Variants in TRIP11 observed in about 807,000 individuals in gnomAD.
TRIP11 encodes thyroid hormone receptor interactor 11.
A neutral mutation model predicts 223.1 loss-of-function variants in TRIP11; 148 were observed. The ratio of observed to expected loss-of-function variants is 0.66; its 90% CI spans 0.58 to 0.76. TRIP11 has a LOEUF of 0.76. Ranked by LOEUF, TRIP11 falls within the 30% of genes least tolerant of loss-of-function variation. TRIP11 has a pLI of 0.00. For missense variants in TRIP11, 2,043 were observed against 2,222.0 expected (o/e 0.92, Z 1.62); for synonymous variants, 762 against 772.6 (o/e 0.99, Z 0.23).
chr14:92,000,729 C>A (rs779664522), intron 11 of TRIP11, among the ~76,000 whole-genome samples: 2 of 152,200 alleles, frequency 1.3e-5, no homozygotes, highest in Non-Finnish European at 2.9e-5. Context: ...GCTGTCCATT[C>A]ATAAAGTATC....
chr14:92,016,178 T>C (rs2057033241), intron 5 of TRIP11, among the ~76,000 whole-genome samples: 1 of 152,204 alleles, frequency 6.6e-6, no homozygotes, highest in Non-Finnish European at 1.5e-5. Flanking sequence ...AATGACACTT[T>C]CTGCCAATAC....
chr14:92,010,868 C>T, intron 9 of TRIP11, 118 bp downstream of exon 9: 1 of 978,916 alleles, frequency 1.0e-6, no homozygotes, highest in Non-Finnish European at 1.6e-6. Flanking sequence ...GTGAGATCAG[C>T]TTTATTCTAA....
Position 92,004,113 on chromosome 14 carries a change from A to G in TRIP11, c.3863T>C (p.Leu1288Ser). The part of the protein sequence containing the change: ...ETKLKNFGQE[L>S]AQVQHSIGQL... ...CCCAATGCTGTGCTGAACTTGTGCT[A>G]ATTCCTGCCCAAAATTTTTGAGTTT... The change falls in exon 11 of 21, where the codon TTA (leucine) becomes TCA (serine). Residue 1288 changes from leucine (L) to serine (S), a missense_variant. Coordinates refer to ENST00000267622, the MANE Select transcript of TRIP11 (RefSeq NM_004239.4). The G allele has an allele frequency of 6.2e-7, 1 of 1,614,200 alleles. No homozygotes were observed. Among genetic ancestry groups the G allele is most frequent in the Non-Finnish European group, 8.5e-7 (1 of 1,180,032 alleles).
At chr14:91,989,715 G>T (rs1047112398) in intron 15 of TRIP11, among the ~76,000 whole-genome samples, 63 of 151,872 alleles carry the variant, frequency 4.1e-4, no homozygotes, top group African/African-American at 1.4e-3. Flanking sequence ...TGCTGTGAAG[G>T]TATTCTGCAA....
At chr14:91,973,303 C>T (rs777841406) in intron 19 of TRIP11, among the ~76,000 whole-genome samples, 21 of 152,186 alleles carry the variant, frequency 1.4e-4, no homozygotes, top group African/African-American at 2.6e-4. Flanking sequence ...GGATTACAGG[C>T]GTGAGCCACC....
Position 92,004,952 on chromosome 14 carries a change from A to C in TRIP11, c.3024T>G (p.Ser1008Arg), listed in dbSNP as rs781353425. The C allele has an allele frequency of 6.2e-7, 1 of 1,613,764 alleles. No homozygotes were observed. Among genetic ancestry groups the C allele is most frequent in the Non-Finnish European group, 8.5e-7 (1 of 1,179,986 alleles). ...CAGCTTTAGATAAATCATGCTTTTC[A>C]CTTCCATTTTCTATATTAAGGCTCT... ...KVQSLNIENG[S>R]EKHDLSKAET... The change falls in exon 11 of 21, where the codon AGT becomes AGG. Residue 1008 changes from serine to arginine, a missense_variant. Transcript: ENST00000267622.
At chr14:91,993,540 G>GC (rs2056708155) in intron 15 of TRIP11, among the ~76,000 whole-genome samples, 1 of 145,978 alleles carries the variant, frequency 6.9e-6, no homozygotes, top group Non-Finnish European at 1.5e-5. Flanking sequence ...TAATTTGGGT[G>GC]TTTTTTCCCC....
intron 5 of TRIP11, among the ~76,000 whole-genome samples, chr14:92,016,834 G>A (rs1378557856): frequency 1.3e-5 from 2 of 151,996 alleles, no homozygotes; most frequent in African/African-American, 4.8e-5. Flanking sequence ...GGTCTGATCC[G>A]GATTCTATCC....
chr14:92,000,154 CAT>C (rs1555385698), intron 11 of TRIP11, 46 bp from the exon 12 acceptor site: 3 of 1,607,032 alleles, frequency 1.9e-6, no homozygotes, highest in Non-Finnish European at 2.6e-6. Context: ...CACACACACA[CAT>C]ATTTTAAAAG....
At chr14:91,982,661 T>C (rs2056559300) in intron 16 of TRIP11, among the ~76,000 whole-genome samples, 1 of 152,224 alleles carries the variant, frequency 6.6e-6, no homozygotes, top group Non-Finnish European at 1.5e-5. Flanking sequence ...AAATTGCAGA[T>C]ATCCAGGGTC....
rs751874296 is a variant in TRIP11 at position 92,005,847 on chromosome 14, A to G, written c.2129T>C (p.Ile710Thr). The change falls in exon 11 of 21, where the codon ATT (isoleucine) becomes ACT (threonine). Residue 710 changes from isoleucine (I) to threonine (T), a missense_variant. By Grantham distance (89) the Ile-to-Thr change is moderately conservative (BLOSUM62 -1). Coordinates refer to ENST00000267622, the MANE Select transcript of TRIP11 (RefSeq NM_004239.4). ...NNQLSLEKNT[I>T]VETLKMEKGE... ...TTTTTCCATTTTTAGAGTCTCCACA[A>G]TAGTGTTTTTTTCCAGAGAAAGCTG... 5 of 1,613,912 alleles carry G rather than the reference A, an allele frequency of 3.1e-6. No homozygotes were observed. Among genetic ancestry groups the G allele is most frequent in the Admixed American group, 1.7e-5 (1 of 59,996 alleles).
intron 2 of TRIP11, chr14:92,030,499 T>C (rs1451212244): frequency 1.3e-5 from 2 of 152,224 alleles, no homozygotes; most frequent in African/African-American, 4.8e-5. Context: ...GTGATTCTCC[T>C]GCCTCAGCCT....
intron 20 of TRIP11, among the ~76,000 whole-genome samples, chr14:91,970,872 TGAATAATGAAAGGCTTA>T (rs2056393526): frequency 6.6e-6 from 1 of 152,218 alleles, no homozygotes; most frequent in East Asian, 1.9e-4. Context: ...CTTACCCATC[TGAATAATGAAAGGCTTA>T]AGGAGTTACG....
chr14:91,974,780 T>TA, intron 18 of TRIP11, 37 bp from the exon 19 acceptor site: 2 of 1,439,702 alleles, frequency 1.4e-6, no homozygotes, highest in East Asian at 2.4e-5. Context: ...ATATTATCAG[T>TA]ACAAGAAAAA....
In TRIP11 at chr14:92,033,273, TA is replaced by T; in HGVS notation, c.140-21del. ...ATTCTGCTACAAGAGAAATAACAAA[TA>T]TTGAATATTTAATCAATACCATATG... On this transcript the variant is annotated intron_variant, in intron 1 of 20. Transcript: ENST00000267622. 2 of 1,583,628 alleles carry T rather than the reference TA, an allele frequency of 1.3e-6. No homozygotes were observed. The highest frequency in any genetic ancestry group is 1.7e-6 in the Non-Finnish European group (2 of 1,152,970).
At chr14:91,980,491 T>C (rs1380129407) in intron 16 of TRIP11, among the ~76,000 whole-genome samples, 1 of 152,234 alleles carries the variant, frequency 6.6e-6, no homozygotes, top group African/African-American at 2.4e-5. Flanking sequence ...AAAATGAACA[T>C]GCTTATCTCA....
chr14:91,969,339 G>A lies in TRIP11; in HGVS notation c.*334C>T, dbSNP rs866372666. On this transcript the variant is annotated 3_prime_UTR_variant, in exon 21 of 21. Transcript: ENST00000267622. ...AAACCACAATCTCTAGCTTAAATGA[G>A]CTTGGAAATCACAAAAGGAAATAAA... is the stretch of plus-strand genomic sequence containing the variant. 1 of 356,714 alleles carries A rather than the reference G, an allele frequency of 2.8e-6. No individual in the cohort carries two copies. Among genetic ancestry groups the A allele is most frequent in the Non-Finnish European group, 5.2e-6 (1 of 192,814 alleles). The allele number at this position is 356,714 out of a possible 1,614,324, so 22.1% of individuals were successfully genotyped here.
In TRIP11 at chr14:92,003,926, T is replaced by G. The variant is rs548160101; in HGVS notation, c.4050A>C (p.Glu1350Asp). The G allele has an allele frequency of 5.1e-5, 83 of 1,614,192 alleles. No individual in the cohort carries two copies. The Middle Eastern group carries it at 6.6e-4, about 13-fold the overall frequency. ...TTTCCTGTAGTGATTTTCTTAGCTCTTCTAACTCTTGCTGAAGCAATTCAG... is the reference window on the plus strand; with the variant it reads ...TTTCCTGTAGTGATTTTCTTAGCTCGTCTAACTCTTGCTGAAGCAATTCAG... ...ESSELLQQEL[E>D]ELRKSLQEKD... Residue 1350 changes from glutamate to aspartate, a missense_variant, in exon 11 of 21, where the codon GAA (glutamate) becomes GAC (aspartate). Physicochemically the swap from Glu to Asp is conservative, Grantham distance 45. Transcript: ENST00000267622.
At chr14:92,016,492 ACTC>A (rs1375157845) in intron 5 of TRIP11, among the ~76,000 whole-genome samples, 1 of 151,528 alleles carries the variant, frequency 6.6e-6, no homozygotes, top group East Asian at 1.9e-4. Context: ...AAAACATTCA[ACTC>A]CTCCTTCAAT....
Sources: allele counts gnomAD v4.1 joint callset (sites outside exome capture counted in the v4.1 genomes callset), GRCh38; gene constraint gnomAD v4.1.1; transcripts MANE v1.5; gene names NCBI Gene and HGNC (gene_info 2026-07-23, HGNC 2026-07-21).